The following SYNPR variants were observed in gnomAD, a reference collection of about 807,000 sequenced individuals.
SYNPR encodes the protein synaptoporin.
Under a neutral mutation model 32.9 loss-of-function variants are expected in SYNPR, and 23 were observed. That is an observed-to-expected ratio of 0.70 (90% CI 0.50 to 0.99). The LOEUF is 0.99. Ranked by LOEUF, SYNPR falls within the 50% of genes least tolerant of loss-of-function variation. The pLI, the probability that SYNPR is intolerant of heterozygous loss-of-function variation, is 0.00. For synonymous variants in SYNPR, 146 were observed against 135.9 expected (o/e 1.07, Z -0.52); for missense variants, 318 against 349.3 (o/e 0.91, Z 0.71).
At chr3:63,314,858 G>A (rs983979811) in intron 2 of SYNPR, among the ~76,000 whole-genome samples, 1 of 151,930 alleles carries the variant, frequency 6.6e-6, no homozygotes, top group Non-Finnish European at 1.5e-5. Context: ...ATAGTTTCAG[G>A]TCTTAGGTTT....
chr3:63,335,343 A>C (rs368823414), intron 2 of SYNPR, among the ~76,000 whole-genome samples: 83 of 121,604 alleles, frequency 6.8e-4, no homozygotes, highest in African/African-American at 2.4e-3. Context: ...ACAGAGCGAG[A>C]CTCCGTCTCA....
chr3:63,247,072 T>C (rs1391978100), intron 1 of SYNPR, among the ~76,000 whole-genome samples: 8 of 151,348 alleles, frequency 5.3e-5, no homozygotes, highest in Non-Finnish European at 7.4e-5. Flanking sequence ...AACTTAGAAG[T>C]TGGAAAAAAA....
chr3:63,290,478 C>G (rs938977580), intron 2 of SYNPR, among the ~76,000 whole-genome samples: 1 of 152,172 alleles, frequency 6.6e-6, no homozygotes, highest in African/African-American at 2.4e-5. Context: ...GCCCTCATGA[C>G]TAAGGATGTT....
chr3:63,535,493 C>T (rs764707026), intron 3 of SYNPR, among the ~76,000 whole-genome samples: 4 of 151,976 alleles, frequency 2.6e-5, no homozygotes, highest in Non-Finnish European at 5.9e-5. Context: ...CTCTGGAACA[C>T]CTTATTAATA....
intron 3 of SYNPR, among the ~76,000 whole-genome samples, chr3:63,508,558 A>T (rs151221193): frequency 3.3e-4 from 50 of 152,132 alleles, no homozygotes; most frequent in Non-Finnish European, 5.4e-4. Flanking sequence ...GCAAAGACCA[A>T]TGTGGAAAGA....
At chr3:63,451,023 G>A (rs1437670704) in intron 2 of SYNPR, among the ~76,000 whole-genome samples, 4 of 151,920 alleles carry the variant, frequency 2.6e-5, no homozygotes, top group African/African-American at 7.3e-5. Context: ...CCGGCTCTGC[G>A]ATATAGGGGT....
chr3:63,269,503 A>G (rs1212109285), intron 3 of SYNPR, among the ~76,000 whole-genome samples: 1 of 152,106 alleles, frequency 6.6e-6, no homozygotes, highest in Non-Finnish European at 1.5e-5. Context: ...AAAAAGGAAA[A>G]GAAATGAAGA....
chr3:63,340,294 G>T (rs1029349609), intron 2 of SYNPR, among the ~76,000 whole-genome samples: 1 of 151,736 alleles, frequency 6.6e-6, no homozygotes, highest in Non-Finnish European at 1.5e-5. Flanking sequence ...GTTTTGTGTG[G>T]CCATAAGATT....
At chr3:63,254,440 G>T (rs1341752487) in intron 2 of SYNPR, among the ~76,000 whole-genome samples, 1 of 152,102 alleles carries the variant, frequency 6.6e-6, no homozygotes, top group Non-Finnish European at 1.5e-5. Flanking sequence ...TAAAAAATTA[G>T]AAGAGAAAAT....
At chr3:63,591,745 G>A (rs1166066070) in intron 4 of SYNPR, among the ~76,000 whole-genome samples, 5 of 129,414 alleles carry the variant, frequency 3.9e-5, no homozygotes, top group South Asian at 5.8e-4. Context: ...TCATAGGTGG[G>A]AATTGAACAA....
the SYNPR span, among the ~76,000 whole-genome samples, chr3:63,206,834 A>G: frequency 6.6e-6 from 1 of 152,240 alleles, no homozygotes; most frequent in African/African-American, 2.4e-5. Flanking sequence ...TGGGCCAATC[A>G]AATTCTCTAT....
chr3:63,453,387 C>A (rs1259729252), intron 2 of SYNPR, among the ~76,000 whole-genome samples: 1 of 152,044 alleles, frequency 6.6e-6, no homozygotes, highest in Non-Finnish European at 1.5e-5. Flanking sequence ...AGTCCAAGGA[C>A]CACCTACATG....
intron 2 of SYNPR, among the ~76,000 whole-genome samples, chr3:63,428,032 C>T (rs1322654164): frequency 6.6e-6 from 1 of 152,086 alleles, no homozygotes; most frequent in Non-Finnish European, 1.5e-5. Context: ...CATTTAATTT[C>T]CTTATCTTTT....
intron 4 of SYNPR, among the ~76,000 whole-genome samples, chr3:63,557,649 A>G (rs1378570604): frequency 2.0e-5 from 3 of 152,222 alleles, no homozygotes; most frequent in East Asian, 1.9e-4. Context: ...CAGTTGATTG[A>G]TCATTAAAAA....
At chr3:63,406,590 T>A (rs1463804209) in intron 2 of SYNPR, among the ~76,000 whole-genome samples, 1 of 152,054 alleles carries the variant, frequency 6.6e-6, no homozygotes, top group East Asian at 1.9e-4. Flanking sequence ...TTACTGCCTG[T>A]CAGAGAGGAA....
At chr3:63,280,339 G>A (rs1245942714) in intron 2 of SYNPR, among the ~76,000 whole-genome samples, 3 of 151,956 alleles carry the variant, frequency 2.0e-5, no homozygotes, top group African/African-American at 7.3e-5. Flanking sequence ...TGATAAGATG[G>A]GTGCCCATGA....
chr3:63,380,371 A>G (rs2087950221), intron 2 of SYNPR, among the ~76,000 whole-genome samples: 1 of 152,130 alleles, frequency 6.6e-6, no homozygotes, highest in South Asian at 2.1e-4. Context: ...CTTTTTAGTG[A>G]TCGCCACTCT....
chr3:63,534,136 A>G lies in SYNPR; in HGVS notation c.210-22407A>G, dbSNP rs538462703. ...AGCTTGTCCACCATTGATGTTGTTC[A>G]TGTATGTCAGGGCTTTATTACCTTG... On this transcript the variant is annotated intron_variant, in intron 3 of 5. Coordinates refer to ENST00000478300, the MANE Select transcript of SYNPR (RefSeq NM_001130003.2). Among the ~76,000 whole-genome samples, 204 of 152,294 alleles carry G rather than the reference A, an allele frequency of 1.3e-3. 1 individual carries two copies. The highest frequency in any genetic ancestry group is 4.6e-3 in the African/African-American group (190 of 41,568).
intron 4 of SYNPR, among the ~76,000 whole-genome samples, chr3:63,588,660 C>G (rs921606220): frequency 1.3e-5 from 2 of 152,022 alleles, no homozygotes; most frequent in African/African-American, 2.4e-5. Flanking sequence ...AACCAATAAT[C>G]AATTTTTTGG....
Sources: gnomAD v4.1 joint callset for allele counts (sites outside exome capture counted in the v4.1 genomes callset) on GRCh38, gnomAD v4.1.1 for gene constraint, MANE v1.5 for transcripts, NCBI Gene and HGNC (gene_info 2026-07-23, HGNC 2026-07-21) for gene names.